Variants in SVIL observed in about 807,000 individuals in gnomAD.
SVIL encodes the protein archvillin.
In SVIL, 101 loss-of-function variants were observed where a neutral mutation model predicts 240.4. The ratio of observed to expected loss-of-function variants is 0.42; its 90% CI spans 0.36 to 0.50. SVIL has a LOEUF of 0.50. SVIL is among the 20% of genes least tolerant of loss of function. The probability of loss-of-function intolerance (pLI) is 0.01; values close to 1 mark genes in which losing one functional copy is unlikely to be tolerated. For missense variants in SVIL, 2,512 were observed against 2,818.7 expected (o/e 0.89, Z 2.46); for synonymous variants, 999 against 1,100.0 (o/e 0.91, Z 1.82).
chr10:29,607,463 T>C (rs1206184459), intron 1 of SVIL, among the ~76,000 whole-genome samples: 2 of 152,182 alleles, frequency 1.3e-5, no homozygotes, highest in Non-Finnish European at 2.9e-5. Flanking sequence ...AGAATTGATA[T>C]ATTTAGAACC....
chr10:29,597,368 G>A (rs1956635627), intron 1 of SVIL, among the ~76,000 whole-genome samples: 1 of 151,912 alleles, frequency 6.6e-6, no homozygotes, highest in Non-Finnish European at 1.5e-5. Flanking sequence ...TTTCTCTTGG[G>A]CCTTCAGGCG....
intron 16 of SVIL, among the ~76,000 whole-genome samples, chr10:29,519,995 G>A (rs1950460309): frequency 6.6e-6 from 1 of 152,128 alleles, no homozygotes; most frequent in Non-Finnish European, 1.5e-5. Context: ...TTTTAAAAAT[G>A]AGAATTTTAC....
At chr10:29,718,181 C>T (rs1024782514) in intron 1 of SVIL, among the ~76,000 whole-genome samples, 8 of 152,060 alleles carry the variant, frequency 5.3e-5, no homozygotes, top group Middle Eastern at 3.4e-3. Flanking sequence ...CAAAAATTAG[C>T]CAGGCGTGGT....
intron 36 of SVIL, among the ~76,000 whole-genome samples, chr10:29,461,739 G>A (rs999771002): frequency 2.6e-5 from 4 of 152,292 alleles, no homozygotes; most frequent in East Asian, 3.9e-4. Flanking sequence ...TATGATAAAT[G>A]CCTCATGCAG....
intron 3 of SVIL, among the ~76,000 whole-genome samples, chr10:29,557,955 G>A (rs1172327257): frequency 6.6e-6 from 1 of 152,178 alleles, no homozygotes; most frequent in Non-Finnish European, 1.5e-5. Flanking sequence ...GCCGCAGGAT[G>A]TTGAATGTCC....
chr10:29,542,094 C>CA (rs1952210138), intron 6 of SVIL, among the ~76,000 whole-genome samples: 1 of 152,158 alleles, frequency 6.6e-6, no homozygotes, highest in Non-Finnish European at 1.5e-5. Flanking sequence ...TTCTTCACAG[C>CA]TTGATTTTCT....
chr10:29,522,661 C>T (rs1950637519), intron 15 of SVIL, 26 bp from the exon 16 acceptor site: 1 of 1,606,348 alleles, frequency 6.2e-7, no homozygotes. Context: ...GCAACATCAG[C>T]ACTGAACTCC....
At chr10:29,555,799 A>G (rs894700601) in intron 3 of SVIL, among the ~76,000 whole-genome samples, 1 of 152,048 alleles carries the variant, frequency 6.6e-6, no homozygotes, top group Non-Finnish European at 1.5e-5. Flanking sequence ...TGAACCCCAC[A>G]GGGCCATCGG....
chr10:29,695,672 A>C (rs1961872727), intron 1 of SVIL, among the ~76,000 whole-genome samples: 2 of 152,124 alleles, frequency 1.3e-5, no homozygotes, highest in Non-Finnish European at 2.9e-5. Flanking sequence ...TGAACCCAGA[A>C]GGCAGAGGTT....
intron 1 of SVIL, among the ~76,000 whole-genome samples, chr10:29,687,609 G>A (rs1961177604): frequency 6.6e-6 from 1 of 152,218 alleles, no homozygotes; most frequent in Admixed American, 6.5e-5. Context: ...GGGAAGGGAG[G>A]TTGCAGTTAG....
chr10:29,482,016 CTTTTCTTTTTTTTT>C, intron 27 of SVIL, among the ~76,000 whole-genome samples: 1 of 93,988 alleles, frequency 1.1e-5, no homozygotes, highest in African/African-American at 4.3e-5. Context: ...AAGTTCTTTT[CTTTTCTTTTTTTTT>C]TTTTTTTTTT....
intron 1 of SVIL, among the ~76,000 whole-genome samples, chr10:29,596,997 C>T (rs1323271480): frequency 6.6e-6 from 1 of 152,138 alleles, no homozygotes; most frequent in Non-Finnish European, 1.5e-5. Context: ...AGAGGGCTCT[C>T]CCGCCCCCCT....
intron 2 of SVIL, among the ~76,000 whole-genome samples, chr10:29,659,965 A>G (rs1476661056): frequency 3.3e-5 from 5 of 152,176 alleles, no homozygotes; most frequent in African/African-American, 1.2e-4. Flanking sequence ...TTGCCTGCTT[A>G]GGAAAAGGAG....
chr10:29,565,349 C>T (rs534739248), intron 2 of SVIL, among the ~76,000 whole-genome samples: 4 of 152,218 alleles, frequency 2.6e-5, no homozygotes, highest in African/African-American at 9.6e-5. Flanking sequence ...TCGAAACACG[C>T]TACAAATAGT....
At chr10:29,695,489 T>C (rs56814541) in intron 1 of SVIL, among the ~76,000 whole-genome samples, 38,453 of 152,004 alleles carry the variant, frequency 0.25, 4,967 homozygotes, top group East Asian at 0.37. Context: ...CTCACGCCTG[T>C]AATCCCAGCA....
chr10:29,612,092 G>GA lies in SVIL; in HGVS notation c.-201+22327dup, dbSNP rs545659839. Among the ~76,000 whole-genome samples the GA allele has an allele frequency of 9.7e-3, 1,452 of 149,396 alleles. 18 individuals are homozygous for GA. The highest frequency in any genetic ancestry group is 0.031 in the South Asian group (145 of 4,728). ...GGACTCACCTCCTCAGCTATCTCAG[G>GA]AAAAAAAAAATCGATCCTCAGCCCT... On this transcript the variant is annotated intron_variant, in intron 1 of 37. Coordinates refer to ENST00000355867, the MANE Select transcript of SVIL (RefSeq NM_021738.3).
chr10:29,539,723 C>G (rs1952004167), intron 6 of SVIL, among the ~76,000 whole-genome samples: 1 of 152,306 alleles, frequency 6.6e-6, no homozygotes, highest in South Asian at 2.1e-4. Context: ...CTCCTCCTCA[C>G]CCCCACGATA....
intron 13 of SVIL, among the ~76,000 whole-genome samples, chr10:29,526,408 G>A (rs902215383): frequency 1.4e-5 from 2 of 147,874 alleles, no homozygotes; most frequent in Admixed American, 6.9e-5. Context: ...AGGTTCAAGC[G>A]ATTCTCCTGC....
chr10:29,576,132 G>A (rs565630260), intron 1 of SVIL: 24 of 985,096 alleles, frequency 2.4e-5, no homozygotes, highest in Admixed American at 1.8e-4. Context: ...CTTCATTTTC[G>A]TTATGATGAA....
Sources: allele counts gnomAD v4.1 joint callset (sites outside exome capture counted in the v4.1 genomes callset), GRCh38; gene constraint gnomAD v4.1.1; transcripts MANE v1.5; gene names NCBI Gene and HGNC (gene_info 2026-07-23, HGNC 2026-07-21).